CCDC175: variants seen among roughly 807,000 people sequenced by gnomAD.
CCDC175 encodes the protein coiled-coil domain containing 175, also known as coiled-coil domain-containing protein 175.
CCDC175 carries 100 observed loss-of-function variants against 114.6 expected under a neutral mutation model. The ratio of observed to expected loss-of-function variants is 0.87; its 90% CI spans 0.74 to 1.03. CCDC175 has a LOEUF of 1.03. Ranked by LOEUF, CCDC175 falls within the 50% of genes least tolerant of loss-of-function variation. The probability of loss-of-function intolerance (pLI) is 0.00; values close to 1 mark genes in which losing one functional copy is unlikely to be tolerated. For missense variants in CCDC175, 880 were observed against 917.8 expected (o/e 0.96, Z 0.53); for synonymous variants, 306 against 308.7 (o/e 0.99, Z 0.09).
intron 8 of CCDC175, among the ~76,000 whole-genome samples, chr14:59,546,740 G>C (rs749825543): frequency 6.6e-6 from 1 of 152,120 alleles, no homozygotes; most frequent in Non-Finnish European, 1.5e-5. Flanking sequence ...GAAGGCTGAG[G>C]CAGGAGGATT....
chr14:59,563,771 G>T lies in CCDC175; in HGVS notation c.809C>A (p.Ser270Ter). 1 of 1,435,092 alleles carries T rather than the reference G, an allele frequency of 7.0e-7. No homozygotes were observed. Among genetic ancestry groups the T allele is most frequent in the Non-Finnish European group, 9.1e-7 (1 of 1,094,990 alleles). 88.9% of individuals were successfully genotyped at this position (1,435,092 alleles called of 1,614,324 possible). Residue 270 changes from serine to a stop codon, truncating the protein, a stop_gained, in exon 6 of 20, where the codon TCA becomes TAA. Transcript: ENST00000537690. LOFTEE classifies it high-confidence loss of function. ...AACAGTAACTGTTTCTTTTATTTTT[G>T]ACATTTTAGTTTGTAATTTATCCAA... is the stretch of plus-strand genomic sequence containing the variant. ...KELDKLQTKMSKIKETVTVSA... is the reference protein window; with the variant it reads ...KELDKLQTKM
At chr14:59,550,690 T>A (rs766792980) in intron 8 of CCDC175, among the ~76,000 whole-genome samples, 8 of 152,116 alleles carry the variant, frequency 5.3e-5, no homozygotes, top group Non-Finnish European at 1.2e-4. Context: ...TGGAATCTGG[T>A]GTTCGAGAGC....
At chr14:59,520,611 CTGG>C (rs1893373710) in intron 17 of CCDC175, among the ~76,000 whole-genome samples, 1 of 151,678 alleles carries the variant, frequency 6.6e-6, no homozygotes, top group African/African-American at 2.4e-5. Context: ...TGTCTTTCGA[CTGG>C]TGAATGAATA....
intron 15 of CCDC175, among the ~76,000 whole-genome samples, chr14:59,526,182 G>C (rs1321033421): frequency 6.6e-6 from 1 of 152,066 alleles, no homozygotes; most frequent in Non-Finnish European, 1.5e-5. Flanking sequence ...TAAGTTGCAT[G>C]ATATTTATTA....
At chr14:59,535,953 A>T (rs149002466) in intron 13 of CCDC175, among the ~76,000 whole-genome samples, 1,680 of 152,322 alleles carry the variant, frequency 0.011, 9 homozygotes, top group Middle Eastern at 0.027. Flanking sequence ...TGGTACAAGG[A>T]TGCAGGAAGC....
At chr14:59,559,666 G>C (rs767362356) in intron 7 of CCDC175, among the ~76,000 whole-genome samples, 8 of 152,072 alleles carry the variant, frequency 5.3e-5, no homozygotes, top group Non-Finnish European at 1.0e-4. Context: ...CACAGACAGA[G>C]GAAACAGCTA....
At chr14:59,562,907 C>G (rs1244435518) in intron 6 of CCDC175, among the ~76,000 whole-genome samples, 1 of 152,064 alleles carries the variant, frequency 6.6e-6, no homozygotes, top group South Asian at 2.1e-4. Context: ...AGAAAATTTT[C>G]ATTTTATTAA....
chr14:59,514,630 G>T (rs987895023), intron 17 of CCDC175, among the ~76,000 whole-genome samples: 1 of 152,134 alleles, frequency 6.6e-6, no homozygotes, highest in African/African-American at 2.4e-5. Flanking sequence ...AGAATAAAAA[G>T]AAATGAACAA....
intron 7 of CCDC175, among the ~76,000 whole-genome samples, chr14:59,556,659 T>G (rs1226047755): frequency 6.6e-6 from 1 of 152,048 alleles, no homozygotes; most frequent in Non-Finnish European, 1.5e-5. Context: ...GAAACTACCA[T>G]CAGAGTGAAT....
chr14:59,571,451 G>T (rs1363461626), intron 3 of CCDC175, among the ~76,000 whole-genome samples: 1 of 152,036 alleles, frequency 6.6e-6, no homozygotes, highest in Non-Finnish European at 1.5e-5. Context: ...ATGGATAAAG[G>T]ACCTGAGTAG....
At chr14:59,543,075 G>A (rs1234257045) in intron 10 of CCDC175, among the ~76,000 whole-genome samples, 2 of 152,134 alleles carry the variant, frequency 1.3e-5, no homozygotes, top group African/African-American at 2.4e-5. Context: ...GGGACTCAGT[G>A]TTGTGATAAT....
chr14:59,570,685 C>G (rs966372546), intron 3 of CCDC175, among the ~76,000 whole-genome samples: 1 of 152,042 alleles, frequency 6.6e-6, no homozygotes, highest in Non-Finnish European at 1.5e-5. Flanking sequence ...ATCATGAATG[C>G]GGGTGGCAGG....
rs1199895028 is a variant in CCDC175, at chr14:59,565,176, C to G, written c.591G>C (p.Glu197Asp). Residue 197 changes from glutamate (E) to aspartate (D), a missense_variant, in exon 5 of 20, where the codon GAG becomes GAC. Coordinates refer to ENST00000537690, the MANE Select transcript of CCDC175 (RefSeq NM_001164399.2). ...TCTTCAAGTTTATTTTGGTATAAGT[C>G]TCATTTATGTAAACAGTGGTGGTGG... is the stretch of plus-strand genomic sequence containing the variant. ...KKATTTVYIN[E>D]TYTKINLKRE... The G allele has an allele frequency of 3.3e-6, 5 of 1,537,578 alleles. No individual in the cohort carries two copies. In the African/African-American group the frequency reaches 6.9e-5, roughly 21 times the overall value.
intron 19 of CCDC175, chr14:59,510,372 C>T (rs559070511): frequency 3.5e-6 from 1 of 289,234 alleles, no homozygotes; most frequent in South Asian, 5.3e-5. Context: ...GTTTAAAAAG[C>T]CTTCTCTGGA....
At chr14:59,506,440 A>G (rs1051909923) in intron 19 of CCDC175, among the ~76,000 whole-genome samples, 3 of 152,038 alleles carry the variant, frequency 2.0e-5, no homozygotes, top group Non-Finnish European at 4.4e-5. Flanking sequence ...GGTGCCCGCC[A>G]TGACACCCAG....
In CCDC175 at chr14:59,558,444, T is replaced by A. The variant is rs868593134; in HGVS notation, c.953+2675A>T. On this transcript the variant is annotated intron_variant, in intron 7 of 19. Coordinates refer to ENST00000537690, the MANE Select transcript of CCDC175 (RefSeq NM_001164399.2). ...CAGGCTAAAGCTACAGTGGTGGCAG[T>A]GGTAAGAAATAGATATATTCAGCAT... 3.3e-5 allele frequency among the ~76,000 whole-genome samples: 5 copies of A among 152,144 alleles called. No homozygotes were observed. The Middle Eastern group carries it at 0.014, about 414-fold the overall frequency.
chr14:59,528,608 A>G (rs1428720535), intron 14 of CCDC175, among the ~76,000 whole-genome samples: 1 of 152,124 alleles, frequency 6.6e-6, no homozygotes, highest in African/African-American at 2.4e-5. Flanking sequence ...ATAAAGTTAT[A>G]GTTTTCGTTT....
intron 1 of CCDC175, among the ~76,000 whole-genome samples, chr14:59,576,099 A>C (rs995263731): frequency 2.0e-5 from 3 of 152,156 alleles, no homozygotes; most frequent in Non-Finnish European, 4.4e-5. Flanking sequence ...AAAATACTTT[A>C]ACCTGGCCCT....
In CCDC175 at chr14:59,505,340, A is replaced by AAT. The variant is rs1462443434; in HGVS notation, c.2306-26_2306-25insAT. ...TCTGTAGGAATAAAAAATAAATATA[A>AAT]AAATTTTATTTGTATTGCACACATT... is the stretch of plus-strand genomic sequence containing the variant. On this transcript the variant is annotated intron_variant, in intron 19 of 19. Transcript: ENST00000537690. 6.0e-6 allele frequency: 8 copies of AAT among 1,325,562 alleles called. No homozygotes were observed. The African/African-American group carries it at 1.2e-4, about 20-fold the overall frequency. 82.1% of individuals were successfully genotyped at this position (1,325,562 alleles called of 1,614,324 possible). A position where few individuals can be genotyped will look rare whatever the true frequency, so the allele number is the denominator to read the frequency against.
Sources: allele counts gnomAD v4.1 joint callset (sites outside exome capture counted in the v4.1 genomes callset), GRCh38; gene constraint gnomAD v4.1.1; transcripts MANE v1.5; gene names NCBI Gene and HGNC (gene_info 2026-07-23, HGNC 2026-07-21).